The following PRKCE variants were observed in gnomAD, a reference collection of about 807,000 sequenced individuals.
The protein encoded by PRKCE is protein kinase C epsilon type.
In PRKCE, 16 loss-of-function variants were observed where a neutral mutation model predicts 85.4. The ratio of observed to expected loss-of-function variants is 0.19; its 90% CI spans 0.13 to 0.28. The LOEUF (loss-of-function observed/expected upper bound fraction) is 0.28. Ranked by LOEUF, PRKCE falls within the 10% of genes least tolerant of loss-of-function variation. PRKCE has a pLI of 1.00. For missense variants in PRKCE, 573 were observed against 975.2 expected (o/e 0.59, Z 5.49); for synonymous variants, 388 against 371.5 (o/e 1.04, Z -0.51).
At chr2:45,673,041 A>C (rs1676252398) in intron 1 of PRKCE, among the ~76,000 whole-genome samples, 2 of 152,156 alleles carry the variant, frequency 1.3e-5, no homozygotes, top group South Asian at 4.2e-4. Flanking sequence ...TCTCTAATAA[A>C]AACAAACAAA....
At chr2:46,029,268 T>C (rs898654210) in intron 10 of PRKCE, among the ~76,000 whole-genome samples, 3 of 152,228 alleles carry the variant, frequency 2.0e-5, no homozygotes, top group Non-Finnish European at 4.4e-5. Context: ...AGTGGTAGAA[T>C]TGGATTTGAA....
intron 1 of PRKCE, among the ~76,000 whole-genome samples, chr2:45,748,366 G>C (rs570936821): frequency 2.6e-5 from 4 of 152,352 alleles, no homozygotes; most frequent in South Asian, 2.1e-4. Flanking sequence ...AAGCCTGCCT[G>C]ACTCCCCACG....
chr2:45,980,939 C>T (rs532909041), intron 5 of PRKCE, among the ~76,000 whole-genome samples: 4 of 152,336 alleles, frequency 2.6e-5, no homozygotes, highest in African/African-American at 9.6e-5. Flanking sequence ...TTATTATCTT[C>T]ATTTTACAAC....
chr2:45,887,468 G>T (rs940866215), intron 2 of PRKCE, among the ~76,000 whole-genome samples: 1 of 151,960 alleles, frequency 6.6e-6, no homozygotes. Flanking sequence ...GAACTATGAA[G>T]AGTTCTGAAG....
rs145903713 is a variant in PRKCE at position 45,776,101 on chromosome 2, A to G, written c.349-66899A>G. ...CCATGCTATTTATTCTGTAGTGCAG[A>G]GTATGTACTTATCACATTCTGAAAG... On this transcript the variant is annotated intron_variant, in intron 1 of 14. Coordinates refer to ENST00000306156, the MANE Select transcript of PRKCE (RefSeq NM_005400.3). Among the ~76,000 whole-genome samples the G allele has an allele frequency of 3.3e-5, 5 of 152,370 alleles. No individual in the cohort carries two copies. In the East Asian group the frequency reaches 7.7e-4, roughly 23 times the overall value.
In PRKCE at chr2:46,007,764, C is replaced by T. The variant is rs368453905; in HGVS notation, c.1263+103C>T. The T allele has an allele frequency of 5.9e-5, 76 of 1,291,190 alleles. 1 individual carries two copies. In the African/African-American group the frequency reaches 9.4e-4, roughly 16 times the overall value. 80.0% of individuals were successfully genotyped at this position (1,291,190 alleles called of 1,614,324 possible). On this transcript the variant is annotated intron_variant, in intron 9 of 14. Coordinates refer to ENST00000306156, the MANE Select transcript of PRKCE (RefSeq NM_005400.3). ...AGAGAGGAACCTTTCAGCCTGATCT[C>T]GTTAGGTTTTCTTTCCTTTTTTGTA...
chr2:45,979,825 G>A (rs988762440), intron 4 of PRKCE, among the ~76,000 whole-genome samples: 1 of 152,310 alleles, frequency 6.6e-6, no homozygotes, highest in South Asian at 2.1e-4. Flanking sequence ...GAATTTTGAA[G>A]TTTGGTATGT....
At chr2:45,721,657 C>T (rs1015720585) in intron 1 of PRKCE, among the ~76,000 whole-genome samples, 1 of 152,038 alleles carries the variant, frequency 6.6e-6, no homozygotes, top group Non-Finnish European at 1.5e-5. Flanking sequence ...GCAGAAGGAT[C>T]GCTTGAGACC....
chr2:45,750,726 T>C lies in PRKCE; in HGVS notation c.349-92274T>C, dbSNP rs549524295. Reference sequence around the variant, plus strand: ...CTATATCATGGGTCATTCTGAGAATTGAATGAGTAATACATGGAAGTATAT... The same window carrying C: ...CTATATCATGGGTCATTCTGAGAATCGAATGAGTAATACATGGAAGTATAT... On this transcript the variant is annotated intron_variant, in intron 1 of 14. Coordinates refer to ENST00000306156, the MANE Select transcript of PRKCE (RefSeq NM_005400.3). 7.9e-5 allele frequency among the ~76,000 whole-genome samples: 12 copies of C among 152,308 alleles called. No homozygotes were observed. The South Asian group carries it at 2.5e-3, about 32-fold the overall frequency.
intron 2 of PRKCE, among the ~76,000 whole-genome samples, chr2:45,911,518 C>T (rs1697380968): frequency 6.6e-6 from 1 of 152,206 alleles, no homozygotes; most frequent in Admixed American, 6.5e-5. Context: ...TTCCCCTGAA[C>T]CCTAGAGACC....
chr2:46,054,058 A>G (rs1475318630), intron 10 of PRKCE, among the ~76,000 whole-genome samples: 2 of 152,216 alleles, frequency 1.3e-5, no homozygotes, highest in Non-Finnish European at 2.9e-5. Flanking sequence ...TCTTAGTGAG[A>G]TAAGAGAATT....
Position 46,184,919 on chromosome 2 carries a change from A to C in PRKCE, c.*38A>C, listed in dbSNP as rs759462283. On this transcript the variant is annotated 3_prime_UTR_variant, in exon 15 of 15. Transcript: ENST00000306156. The surrounding 1 kb of genome is among the most constrained non-coding windows in gnomAD (Gnocchi z 5.0). ...GTTGGACTTTGCCGATGCTGCAAGAAGGGGTGCAGAGAAGACTCCTGTGTT... is the reference window on the plus strand; with the variant it reads ...GTTGGACTTTGCCGATGCTGCAAGACGGGGTGCAGAGAAGACTCCTGTGTT... 4 of 1,598,308 alleles carry C rather than the reference A, an allele frequency of 2.5e-6. No individual in the cohort carries two copies. Among genetic ancestry groups the C allele is most frequent in the Non-Finnish European group, 3.4e-6 (4 of 1,179,060 alleles).
intron 10 of PRKCE, among the ~76,000 whole-genome samples, chr2:46,059,755 A>G (rs1039515375): frequency 2.0e-5 from 3 of 152,156 alleles, no homozygotes; most frequent in Non-Finnish European, 2.9e-5. Flanking sequence ...ATGAGCTATG[A>G]GTGAACCTGT....
chr2:46,079,245 G>T (rs540899980), intron 10 of PRKCE, among the ~76,000 whole-genome samples: 1 of 151,800 alleles, frequency 6.6e-6, no homozygotes, highest in East Asian at 1.9e-4. Flanking sequence ...TTCTCTAAGT[G>T]ATAAAGCCTG....
At chr2:45,790,905 C>T (rs1043655362) in intron 1 of PRKCE, among the ~76,000 whole-genome samples, 1 of 152,148 alleles carries the variant, frequency 6.6e-6, no homozygotes, top group Non-Finnish European at 1.5e-5. Context: ...TGTGGTGGCA[C>T]AACTATCAGA....
chr2:45,738,010 G>T (rs1393002805), intron 1 of PRKCE, among the ~76,000 whole-genome samples: 1 of 151,890 alleles, frequency 6.6e-6, no homozygotes, highest in African/African-American at 2.4e-5. Flanking sequence ...CTCCTGGCAG[G>T]TCCTGACAGC....
At chr2:45,954,804 T>C (rs1041228165) in intron 2 of PRKCE, among the ~76,000 whole-genome samples, 1 of 152,226 alleles carries the variant, frequency 6.6e-6, no homozygotes, top group Non-Finnish European at 1.5e-5. Context: ...ATAGCTTTTA[T>C]TTTGTGAAAA....
At chr2:45,951,361 G>T (rs1480706926) in intron 2 of PRKCE, among the ~76,000 whole-genome samples, 2 of 152,230 alleles carry the variant, frequency 1.3e-5, no homozygotes, top group African/African-American at 4.8e-5. Flanking sequence ...CGTGTTTCCA[G>T]TCAGTCATGC....
intron 14 of PRKCE, among the ~76,000 whole-genome samples, chr2:46,171,145 G>A (rs1002667596): frequency 2.0e-5 from 3 of 152,126 alleles, no homozygotes; most frequent in Non-Finnish European, 4.4e-5. Flanking sequence ...ATCCTGCTGC[G>A]GGGGGCCAGC....
Sources: allele counts gnomAD v4.1 joint callset (sites outside exome capture counted in the v4.1 genomes callset), GRCh38; gene constraint gnomAD v4.1.1; non-coding constraint Gnocchi (gnomAD v3.1); transcripts MANE v1.5; gene names NCBI Gene and HGNC (gene_info 2026-07-23, HGNC 2026-07-21).